Variants in FOXJ3 observed in about 807,000 individuals in gnomAD.
FOXJ3 encodes forkhead box J3.
A neutral mutation model predicts 76.1 loss-of-function variants in FOXJ3; 22 were observed. The observed-to-expected ratio is 0.29, with a 90% CI of 0.21 to 0.41. The LOEUF (loss-of-function observed/expected upper bound fraction) is 0.41. FOXJ3 is among the 10% of genes least tolerant of loss of function. FOXJ3 has a pLI of 1.00. For missense variants in FOXJ3, 613 were observed against 762.1 expected (o/e 0.80, Z 2.30); for synonymous variants, 269 against 261.2 (o/e 1.03, Z -0.29).
At chr1:42,194,813 A>G (rs1646619365) in intron 8 of FOXJ3, 77 bp downstream of exon 8, 9 of 906,830 alleles carry the variant, frequency 9.9e-6, no homozygotes, top group Non-Finnish European at 1.5e-5. Context: ...TAAGAGTATA[A>G]CAGCTGCCAT....
Position 42,212,494 on chromosome 1 carries a change from G to A in FOXJ3, c.529-6631C>T, listed in dbSNP as rs545363228. Among the ~76,000 whole-genome samples, 10 of 151,878 alleles carry A rather than the reference G, an allele frequency of 6.6e-5. 1 individual carries two copies. Among genetic ancestry groups the A allele is most frequent in the African/African-American group, 9.7e-5 (4 of 41,342 alleles). On this transcript the variant is annotated intron_variant, in intron 5 of 12. Transcript: ENST00000361346. ...GTAGAAAAAAATAATTTCAGAGGTC[G>A]AAGACAAGGCTTTCAGGTTAACCTC...
chr1:42,216,382 G>T (rs914127993), intron 5 of FOXJ3, among the ~76,000 whole-genome samples: 1 of 151,784 alleles, frequency 6.6e-6, no homozygotes, highest in Non-Finnish European at 1.5e-5. Context: ...GCCGGGCGTG[G>T]TAGCGGGCGC....
intron 2 of FOXJ3, among the ~76,000 whole-genome samples, chr1:42,295,303 A>T (rs1041483188): frequency 3.3e-5 from 5 of 152,078 alleles, no homozygotes; most frequent in Admixed American, 2.0e-4. Flanking sequence ...ATAAGTGAGA[A>T]CATGTGGTAT....
intron 8 of FOXJ3, among the ~76,000 whole-genome samples, chr1:42,194,253 T>G (rs1646607622): frequency 6.6e-6 from 1 of 152,200 alleles, no homozygotes; most frequent in South Asian, 2.1e-4. Flanking sequence ...TACTGTGACA[T>G]TTTTACCCTC....
At chr1:42,265,497 C>T (rs1031951306) in intron 3 of FOXJ3, among the ~76,000 whole-genome samples, 18 of 151,802 alleles carry the variant, frequency 1.2e-4, no homozygotes, top group Non-Finnish European at 2.4e-4. Flanking sequence ...TATTAAATTC[C>T]AAATATAAAA....
At chr1:42,327,202 C>T (rs1296635118) in intron 1 of FOXJ3, among the ~76,000 whole-genome samples, 1 of 152,150 alleles carries the variant, frequency 6.6e-6, no homozygotes, top group South Asian at 2.1e-4. Flanking sequence ...CTGATGGTGA[C>T]GGCTACCCAC....
chr1:42,224,544 T>C (rs1342307350), intron 5 of FOXJ3, among the ~76,000 whole-genome samples: 1 of 151,534 alleles, frequency 6.6e-6, no homozygotes, highest in African/African-American at 2.4e-5. Flanking sequence ...TCCTAGCTAC[T>C]CGGAGGGGCT....
intron 2 of FOXJ3, chr1:42,280,275 G>A (rs771697874): frequency 4.3e-5 from 42 of 981,222 alleles, no homozygotes; most frequent in Non-Finnish European, 5.0e-5. Flanking sequence ...AGACAACCAC[G>A]AGGATTCTAC....
intron 11 of FOXJ3, among the ~76,000 whole-genome samples, chr1:42,185,000 T>C (rs1646405597): frequency 6.6e-6 from 1 of 152,024 alleles, no homozygotes; most frequent in African/African-American, 2.4e-5. Flanking sequence ...AGTGATCAGA[T>C]TGTGTAGGCC....
At chr1:42,199,636 A>T (rs538074407) in intron 6 of FOXJ3, among the ~76,000 whole-genome samples, 1 of 149,852 alleles carries the variant, frequency 6.7e-6, no homozygotes, top group Non-Finnish European at 1.5e-5. Context: ...AAAAAAAAAG[A>T]TTTTTTTTTT....
At chr1:42,313,476 T>C (rs1366229005) in intron 1 of FOXJ3, among the ~76,000 whole-genome samples, 3 of 152,070 alleles carry the variant, frequency 2.0e-5, no homozygotes, top group Non-Finnish European at 4.4e-5. Flanking sequence ...CTGGAAAAAT[T>C]CCCACAGGTA....
intron 12 of FOXJ3, 29 bp from the exon 13 acceptor site, chr1:42,179,854 G>A (rs763592999): frequency 5.7e-6 from 8 of 1,409,744 alleles, no homozygotes; most frequent in Non-Finnish European, 6.0e-6. Flanking sequence ...TAATAGCAGC[G>A]ACTTGGGTAG....
At position 42,187,036 on chromosome 1, in the gene FOXJ3, C is replaced by T. The variant is rs561065401; in HGVS notation, c.1645+1701G>A. 6.3e-4 allele frequency among the ~76,000 whole-genome samples: 96 copies of T among 152,182 alleles called. 1 individual carries two copies. The highest frequency in any genetic ancestry group is 2.0e-3 in the African/African-American group (85 of 41,478). ...CTAATTTTTGTATTTTTAGTAGAGA[C>T]GGGGTTTCGCCATGTTGGCCAGGCT... is the stretch of plus-strand genomic sequence containing the variant. On this transcript the variant is annotated intron_variant, in intron 11 of 12. Coordinates refer to ENST00000361346, the MANE Select transcript of FOXJ3 (RefSeq NM_014947.5).
chr1:42,322,882 C>T (rs1175963745), intron 1 of FOXJ3, among the ~76,000 whole-genome samples: 1 of 152,062 alleles, frequency 6.6e-6, no homozygotes, highest in East Asian at 1.9e-4. Flanking sequence ...GTAACAGTAC[C>T]ATGTATTCCT....
intron 3 of FOXJ3, among the ~76,000 whole-genome samples, chr1:42,268,422 T>C (rs1454483478): frequency 6.6e-6 from 1 of 152,028 alleles, no homozygotes; most frequent in Non-Finnish European, 1.5e-5. Flanking sequence ...GACACTGTTA[T>C]AAGGAAGTTC....
chr1:42,210,912 G>C (rs1416735607), intron 5 of FOXJ3, among the ~76,000 whole-genome samples: 1 of 152,142 alleles, frequency 6.6e-6, no homozygotes, highest in African/African-American at 2.4e-5. Flanking sequence ...GGCCCTCAGG[G>C]ACTGCTACTC....
chr1:42,293,428 A>T (rs1435195154), intron 2 of FOXJ3, among the ~76,000 whole-genome samples: 2 of 152,214 alleles, frequency 1.3e-5, no homozygotes, highest in Non-Finnish European at 2.9e-5. Flanking sequence ...CAACATCACT[A>T]GTTATCAGGT....
At chr1:42,332,120 C>T (rs1471619424) in intron 1 of FOXJ3, among the ~76,000 whole-genome samples, 2 of 152,184 alleles carry the variant, frequency 1.3e-5, no homozygotes, top group Non-Finnish European at 2.9e-5. Context: ...ACACCCTGCC[C>T]TTGTAGAAAA....
intron 2 of FOXJ3, among the ~76,000 whole-genome samples, chr1:42,295,791 T>C (rs1164430703): frequency 2.6e-5 from 4 of 152,170 alleles, no homozygotes; most frequent in Non-Finnish European, 4.4e-5. Flanking sequence ...CCTCCCAAAC[T>C]GCTGGAATTA....
Sources: allele counts gnomAD v4.1 joint callset (sites outside exome capture counted in the v4.1 genomes callset), GRCh38; gene constraint gnomAD v4.1.1; transcripts MANE v1.5; gene names NCBI Gene and HGNC (gene_info 2026-07-23, HGNC 2026-07-21).